MRPS6: variants seen among roughly 807,000 people sequenced by gnomAD.
MRPS6 encodes small ribosomal subunit protein bS6m.
A neutral mutation model predicts 13.1 loss-of-function variants in MRPS6; 6 were observed. The ratio of observed to expected loss-of-function variants is 0.46; its 90% CI spans 0.25 to 0.91. The LOEUF is 0.91. Ranked by LOEUF, MRPS6 falls within the 40% of genes least tolerant of loss-of-function variation. The pLI is 0.18. For missense variants in MRPS6, 164 were observed against 155.6 expected (o/e 1.05, Z -0.29); for synonymous variants, 61 against 56.5 (o/e 1.08, Z -0.36).
chr21:34,075,643 T>G (rs912291711), intron 1 of MRPS6, among the ~76,000 whole-genome samples: 2 of 152,198 alleles, frequency 1.3e-5, no homozygotes, highest in African/African-American at 4.8e-5. Flanking sequence ...GTAACAGTGG[T>G]GACTTATGTA....
rs535543730 is a variant in MRPS6, at chr21:34,123,695, A to G, written c.46-1646A>G. ...ATGGTCCGCTCCTTTTTGACTACCA[A>G]CTTGCCCATGTGTTTTCTCCTAAAA... On this transcript the variant is annotated intron_variant, in intron 1 of 2. Transcript: ENST00000399312. 9.9e-5 allele frequency: 15 copies of G among 152,082 alleles called. No individual in the cohort carries two copies. The South Asian group carries it at 2.7e-3, about 27-fold the overall frequency. The allele number at this position is 152,082 out of a possible 1,614,324, so 9.4% of individuals were successfully genotyped here. A position where few individuals can be genotyped will look rare whatever the true frequency, so the allele number is the denominator to read the frequency against.
intron 1 of MRPS6, chr21:34,102,549 C>T: frequency 1.0e-6 from 1 of 999,658 alleles, no homozygotes; most frequent in Non-Finnish European, 1.2e-6. Context: ...TAATCTTGTG[C>T]ACTTTACTTT....
At chr21:34,084,330 G>A (rs1989523593) in intron 1 of MRPS6, among the ~76,000 whole-genome samples, 1 of 152,146 alleles carries the variant, frequency 6.6e-6, no homozygotes, top group African/African-American at 2.4e-5. Flanking sequence ...ATGAGCAGAA[G>A]CGATTTCCTT....
At chr21:34,076,197 C>G (rs1250772937) in intron 1 of MRPS6, among the ~76,000 whole-genome samples, 1 of 152,166 alleles carries the variant, frequency 6.6e-6, no homozygotes, top group Non-Finnish European at 1.5e-5. Flanking sequence ...CAGAGCTGCT[C>G]TCCTGTTTTT....
intron 1 of MRPS6, among the ~76,000 whole-genome samples, chr21:34,074,742 C>T (rs746973021): frequency 6.6e-6 from 1 of 152,230 alleles, no homozygotes; most frequent in Non-Finnish European, 1.5e-5. Flanking sequence ...GTAAGCACAG[C>T]TTCCTACAGC....
intron 1 of MRPS6, among the ~76,000 whole-genome samples, chr21:34,084,587 C>T (rs1390146559): frequency 6.6e-6 from 1 of 152,186 alleles, no homozygotes; most frequent in East Asian, 1.9e-4. Context: ...ATTATACACA[C>T]ACACATATGT....
In MRPS6 at chr21:34,081,257, A is replaced by AG. The variant is rs1466067936; in HGVS notation, c.45+7514dup. Among the ~76,000 whole-genome samples, 19 of 152,256 alleles carry AG rather than the reference A, an allele frequency of 1.2e-4. No individual in the cohort carries two copies. The South Asian group carries it at 3.7e-3, about 30-fold the overall frequency. On this transcript the variant is annotated intron_variant, in intron 1 of 2. Coordinates refer to ENST00000399312, the MANE Select transcript of MRPS6 (RefSeq NM_032476.4). ...GTAGATGTCGCTTAGATCAAGCAGA[A>AG]GGAACTCAAATCATCAGGGAACTCC...
intron 1 of MRPS6, among the ~76,000 whole-genome samples, chr21:34,074,175 T>TGGTCCGTCCCGCTCCGCCGCCC (rs1269262689): frequency 6.7e-5 from 10 of 149,548 alleles, no homozygotes; most frequent in African/African-American, 2.4e-4. Context: ...CGCCGCCGCC[T>TGGTCCGTCCCGCTCCGCCGCCC]GGTCCGTCCC....
At chr21:34,135,729 G>T (rs1980673078) in intron 2 of MRPS6, 4 of 427,464 alleles carry the variant, frequency 9.4e-6, no homozygotes, top group Non-Finnish European at 1.9e-5. Flanking sequence ...GGAGGTGAGG[G>T]TTCTCGCCTG....
chr21:34,075,780 G>T (rs1421423443), intron 1 of MRPS6, among the ~76,000 whole-genome samples: 1 of 152,174 alleles, frequency 6.6e-6, no homozygotes, highest in Non-Finnish European at 1.5e-5. Context: ...AAGACTTCCA[G>T]GTTTTAGACC....
intron 1 of MRPS6, chr21:34,105,776 C>T: frequency 1.0e-6 from 1 of 993,788 alleles, no homozygotes; most frequent in Non-Finnish European, 1.2e-6. Flanking sequence ...CTAATTGTAT[C>T]CATCTCATTG....
At chr21:34,131,821 A>G (rs1980510652) in intron 2 of MRPS6, among the ~76,000 whole-genome samples, 1 of 152,220 alleles carries the variant, frequency 6.6e-6, no homozygotes, top group Non-Finnish European at 1.5e-5. Flanking sequence ...AGTCTCCCAC[A>G]GGACTGCGGT....
At chr21:34,120,486 G>A (rs1980079907) in intron 1 of MRPS6, among the ~76,000 whole-genome samples, 1 of 152,104 alleles carries the variant, frequency 6.6e-6, no homozygotes, top group Non-Finnish European at 1.5e-5. Flanking sequence ...TAATAGCCCT[G>A]CAAATATTTG....
Position 34,102,130 on chromosome 21 carries a change from G to C in MRPS6, c.46-23211G>C, listed in dbSNP as rs559668409. 6 of 1,000,162 alleles carry C rather than the reference G, an allele frequency of 6.0e-6. No homozygotes were observed. In the African/African-American group the frequency reaches 1.0e-4, roughly 17 times the overall value. The allele number at this position is 1,000,162 out of a possible 1,614,324, so 62.0% of individuals were successfully genotyped here. On this transcript the variant is annotated intron_variant, in intron 1 of 2. Transcript: ENST00000399312. ...TCTTCTGTCAAGGTCACTTAATATG[G>C]AATGTTTTTGTCAGACTGTCCTTTG...
intron 1 of MRPS6, among the ~76,000 whole-genome samples, chr21:34,107,287 A>G (rs1979518695): frequency 6.6e-6 from 1 of 152,080 alleles, no homozygotes; most frequent in Admixed American, 6.6e-5. Flanking sequence ...GTCCCTTTTT[A>G]GTTTGGGTTT....
At chr21:34,098,355 G>T in intron 1 of MRPS6, 1 of 1,000,244 alleles carries the variant, frequency 1.0e-6, no homozygotes, top group Non-Finnish European at 1.2e-6. Flanking sequence ...CGCTGCCTTT[G>T]TGTGCTGGAT....
At chr21:34,078,143 C>G (rs562053393) in intron 1 of MRPS6, among the ~76,000 whole-genome samples, 2 of 152,044 alleles carry the variant, frequency 1.3e-5, no homozygotes, top group Non-Finnish European at 2.9e-5. Context: ...GTCAAGTGGT[C>G]TTTTTTTTCT....
chr21:34,102,072 T>C (rs1979262507), intron 1 of MRPS6: 7 of 999,998 alleles, frequency 7.0e-6, no homozygotes, highest in Non-Finnish European at 8.4e-6. Flanking sequence ...TTTCGATTGC[T>C]AGACTTGGTT....
Position 34,106,710 on chromosome 21 carries a change from G to A in MRPS6, c.46-18631G>A, listed in dbSNP as rs75118290. 9.1e-4 allele frequency among the ~76,000 whole-genome samples: 138 copies of A among 152,214 alleles called. No homozygotes were observed. The East Asian group carries it at 0.011, about 12-fold the overall frequency. On this transcript the variant is annotated intron_variant, in intron 1 of 2. Coordinates refer to ENST00000399312, the MANE Select transcript of MRPS6 (RefSeq NM_032476.4). Reference sequence around the variant, plus strand: ...CCCCTTTACTCCCTGAGTACTTTGCGTGTATATTTCTTAAGAACAGTCACT... The same window carrying A: ...CCCCTTTACTCCCTGAGTACTTTGCATGTATATTTCTTAAGAACAGTCACT...
Sources: allele counts gnomAD v4.1 joint callset (sites outside exome capture counted in the v4.1 genomes callset), GRCh38; gene constraint gnomAD v4.1.1; transcripts MANE v1.5; gene names NCBI Gene and HGNC (gene_info 2026-07-23, HGNC 2026-07-21).